The following RAPGEF5 variants were observed in gnomAD, a reference collection of about 807,000 sequenced individuals.
RAPGEF5 encodes Rap guanine nucleotide exchange factor 5.
RAPGEF5 carries 65 observed loss-of-function variants against 125.2 expected under a neutral mutation model. The observed-to-expected ratio is 0.52, with a 90% confidence interval of 0.43 to 0.64. The LOEUF is 0.64. RAPGEF5 is among the 30% of genes least tolerant of loss of function. RAPGEF5 has a pLI of 0.00. For synonymous variants in RAPGEF5, 391 were observed against 385.9 expected, an observed-to-expected ratio of 1.01 and a Z score of -0.16; for missense variants, 958 against 1,048.1, an observed-to-expected ratio of 0.91 and a Z score of 1.19.
intron 6 of RAPGEF5, among the ~76,000 whole-genome samples, chr7:22,270,776 T>C (rs1436790889): frequency 6.6e-6 from 1 of 152,202 alleles, no homozygotes; most frequent in African/African-American, 2.4e-5. Flanking sequence ...GTATCTTCAG[T>C]GAGGTCTGGG....
chr7:22,254,150 G>A (rs148134670), intron 7 of RAPGEF5, among the ~76,000 whole-genome samples: 197 of 152,150 alleles, frequency 1.3e-3, no homozygotes, highest in African/African-American at 4.2e-3. Flanking sequence ...CAAATGCCTC[G>A]CATGGTGAGT....
intron 16 of RAPGEF5, among the ~76,000 whole-genome samples, chr7:22,155,785 G>A (rs1007009110): frequency 4.6e-5 from 7 of 152,164 alleles, no homozygotes; most frequent in Admixed American, 3.3e-4. Flanking sequence ...TTTTAAGCAA[G>A]GCAAAATCTG....
At chr7:22,258,127 A>G (rs1219774561) in intron 7 of RAPGEF5, among the ~76,000 whole-genome samples, 1 of 152,198 alleles carries the variant, frequency 6.6e-6, no homozygotes, top group African/African-American at 2.4e-5. Context: ...ATTCTCATAC[A>G]ACAAAAAAAG....
chr7:22,145,017 A>G (rs1401259388), intron 20 of RAPGEF5, 27 bp downstream of exon 20: 3 of 1,605,524 alleles, frequency 1.9e-6, no homozygotes, highest in Non-Finnish European at 2.6e-6. Flanking sequence ...GACTAGAGGA[A>G]TGGCACTTCT....
At chr7:22,198,147 C>A (rs1001894031) in intron 9 of RAPGEF5, among the ~76,000 whole-genome samples, 7 of 152,214 alleles carry the variant, frequency 4.6e-5, no homozygotes, top group Non-Finnish European at 1.0e-4. Flanking sequence ...CCACCTCAGT[C>A]TCCCAAAGAA....
At chr7:22,236,187 T>C (rs188001726) in intron 7 of RAPGEF5, among the ~76,000 whole-genome samples, 135 of 152,312 alleles carry the variant, frequency 8.9e-4, no homozygotes, top group East Asian at 2.3e-3. Context: ...CTTCTAAAAA[T>C]GCAAGCTTTC....
Position 22,334,053 on chromosome 7 carries a change from G to C in RAPGEF5, c.232-16016C>G, listed in dbSNP as rs140208851. ...AGTGTTAAGAGAGCTGCTAATGAGA[G>C]AGCTGCTGAATAAAACTACATTTCA... On this transcript the variant is annotated intron_variant, in intron 1 of 25. Coordinates refer to ENST00000665637, the MANE Select transcript of RAPGEF5 (RefSeq NM_012294.5). Among the ~76,000 whole-genome samples the C allele has an allele frequency of 3.1e-3, 473 of 152,356 alleles. 4 individuals carry two copies. The highest frequency in any genetic ancestry group is 0.011 in the African/African-American group (461 of 41,582).
chr7:22,356,927 T>A lies in RAPGEF5; in HGVS notation c.134A>T (p.Gln45Leu). Residue 45 changes from glutamine to leucine, a missense_variant, in exon 1 of 26, where the codon CAG (glutamine) becomes CTG (leucine). Coordinates refer to ENST00000665637, the MANE Select transcript of RAPGEF5 (RefSeq NM_012294.5). ...SPSAREPERE[Q>L]PPASLRPRLR... ...CCGCGGCCGCAGCGACGCCGGCGGCTGCTCGCGCTCGGGCTCCCGGGCGCT... is the reference window on the plus strand; with the variant it reads ...CCGCGGCCGCAGCGACGCCGGCGGCAGCTCGCGCTCGGGCTCCCGGGCGCT... The A allele has an allele frequency of 2.8e-6, 3 of 1,080,970 alleles. No individual in the cohort carries two copies. Among genetic ancestry groups the A allele is most frequent in the Non-Finnish European group, 3.4e-6 (3 of 893,550 alleles). 67.0% of individuals were successfully genotyped at this position (1,080,970 alleles called of 1,614,324 possible).
At chr7:22,214,040 A>C (rs1368029512) in intron 9 of RAPGEF5, among the ~76,000 whole-genome samples, 1 of 152,258 alleles carries the variant, frequency 6.6e-6, no homozygotes, top group Non-Finnish European at 1.5e-5. Context: ...TAAGTGTGAC[A>C]GTAGCCAGAA....
chr7:22,275,071 C>A (rs912057023), intron 6 of RAPGEF5, among the ~76,000 whole-genome samples: 3 of 152,154 alleles, frequency 2.0e-5, no homozygotes, highest in African/African-American at 7.2e-5. Flanking sequence ...GGTCTTTTCA[C>A]ATATTCTGTC....
In RAPGEF5 at chr7:22,142,086, C is replaced by G. The variant is rs557937831; in HGVS notation, c.2187-1971G>C. On this transcript the variant is annotated intron_variant, in intron 20 of 25. Transcript: ENST00000665637. ...AGTTGATGTTTTGAAATACCAGCCT[C>G]CTCTGTAGAGGCTCTTGTGGTCAGT... Among the ~76,000 whole-genome samples the G allele has an allele frequency of 6.9e-4, 105 of 152,338 alleles. 2 individuals are homozygous for G. The Middle Eastern group carries it at 0.01, about 15-fold the overall frequency.
intron 5 of RAPGEF5, among the ~76,000 whole-genome samples, chr7:22,300,004 T>C (rs892741020): frequency 1.3e-5 from 2 of 152,206 alleles, no homozygotes; most frequent in African/African-American, 4.8e-5. Flanking sequence ...ACCTCTTGAA[T>C]CTACAGATTT....
intron 7 of RAPGEF5, among the ~76,000 whole-genome samples, chr7:22,234,072 T>C (rs1045755757): frequency 1.7e-4 from 26 of 152,114 alleles, no homozygotes; most frequent in African/African-American, 6.3e-4. Flanking sequence ...TAGGAAAAAT[T>C]ATAATTCCAA....
chr7:22,178,666 G>A (rs1328323172), intron 11 of RAPGEF5, among the ~76,000 whole-genome samples: 1 of 152,204 alleles, frequency 6.6e-6, no homozygotes, highest in Admixed American at 6.5e-5. Flanking sequence ...CTCTGTTTCC[G>A]TGGGGTTTGG....
intron 7 of RAPGEF5, among the ~76,000 whole-genome samples, chr7:22,245,670 C>A (rs935361041): frequency 4.6e-5 from 7 of 152,004 alleles, no homozygotes; most frequent in Non-Finnish European, 1.0e-4. Context: ...ACTGAGAAAA[C>A]CATAGGCTAC....
intron 16 of RAPGEF5, among the ~76,000 whole-genome samples, chr7:22,154,892 C>T (rs1783756519): frequency 1.3e-5 from 2 of 152,218 alleles, no homozygotes; most frequent in Non-Finnish European, 2.9e-5. Flanking sequence ...CCGAGTCACG[C>T]AAGTGTGTAC....
At chr7:22,251,743 G>A (rs1036273620) in intron 7 of RAPGEF5, among the ~76,000 whole-genome samples, 10 of 106,538 alleles carry the variant, frequency 9.4e-5, no homozygotes, top group Admixed American at 2.9e-4. Flanking sequence ...TCATTTTCAT[G>A]AAAGTTGAGC....
intron 11 of RAPGEF5, among the ~76,000 whole-genome samples, chr7:22,179,889 T>C (rs1480552563): frequency 6.6e-6 from 1 of 152,204 alleles, no homozygotes; most frequent in Non-Finnish European, 1.5e-5. Context: ...AACTCATGAA[T>C]AACCCACCCC....
intron 5 of RAPGEF5, among the ~76,000 whole-genome samples, chr7:22,300,018 TCTCA>T (rs1783160703): frequency 6.6e-6 from 1 of 152,166 alleles, no homozygotes; most frequent in Non-Finnish European, 1.5e-5. Context: ...CAGATTTGTC[TCTCA>T]CTCAATTTGG....
Sources: gnomAD v4.1 joint callset for allele counts (sites outside exome capture counted in the v4.1 genomes callset) on GRCh38, gnomAD v4.1.1 for gene constraint, MANE v1.5 for transcripts, NCBI Gene and HGNC (gene_info 2026-07-23, HGNC 2026-07-21) for gene names.